Variants in SP100 observed in about 807,000 individuals in gnomAD.
SP100 encodes the protein nuclear autoantigen Sp-100.
SP100 carries 84 observed loss-of-function variants against 130.0 expected under a neutral mutation model. That is an observed-to-expected ratio of 0.65 (90% CI 0.54 to 0.77). SP100 has a LOEUF of 0.77. SP100 is among the 30% of genes least tolerant of loss of function. SP100 has a pLI of 0.00. For missense variants in SP100, 978 were observed against 1,052.2 expected (o/e 0.93, Z 0.97); for synonymous variants, 331 against 351.7 (o/e 0.94, Z 0.66).
At chr2:230,477,670 C>T (rs917637337) in intron 17 of SP100, among the ~76,000 whole-genome samples, 1 of 152,116 alleles carries the variant, frequency 6.6e-6, no homozygotes, top group Non-Finnish European at 1.5e-5. Context: ...GAAAGAAGAG[C>T]TCAGAGGTAG....
intron 17 of SP100, among the ~76,000 whole-genome samples, 162 bp downstream of exon 17, chr2:230,474,609 G>T (rs1308045345): frequency 6.6e-6 from 1 of 152,042 alleles, no homozygotes. Context: ...CTGAGGCTTG[G>T]TGTCCCAAAA....
intron 16 of SP100, among the ~76,000 whole-genome samples, chr2:230,474,064 TTA>T (rs2065413681): frequency 6.6e-6 from 1 of 152,188 alleles, no homozygotes; most frequent in South Asian, 2.1e-4. Flanking sequence ...TGTTATTGAT[TTA>T]TATAGTGATT....
At position 230,506,419 on chromosome 2, in the gene SP100, G is replaced by A. The variant is rs1432944073; in HGVS notation, c.1987G>A (p.Gly663Arg). ...KNWKLSIRCG[G>R]YTLKVLMENK... is the part of the protein sequence containing the mutation. Reference sequence around the variant, plus strand: ...CTGGAAGCTAAGTATACGCTGCGGTGGATATACCCTGAAAGTCCTGATGGA... The same window carrying A: ...CTGGAAGCTAAGTATACGCTGCGGTAGATATACCCTGAAAGTCCTGATGGA... The change falls in exon 22 of 29, where the codon GGA becomes AGA. Residue 663 changes from glycine to arginine, a missense_variant. Physicochemically the swap from Gly to Arg is moderately radical, Grantham distance 125. Coordinates refer to ENST00000340126, the MANE Select transcript of SP100 (RefSeq NM_001080391.2). 4 of 1,613,880 alleles carry A rather than the reference G, an allele frequency of 2.5e-6. No individual in the cohort carries two copies. The highest frequency in any genetic ancestry group is 3.4e-6 in the Non-Finnish European group (4 of 1,179,830).
In SP100 at chr2:230,504,206, G is replaced by A. The variant is rs2067196821; in HGVS notation, c.1786G>A (p.Glu596Lys). The A allele has an allele frequency of 2.5e-6, 4 of 1,610,400 alleles. No homozygotes were observed. Among genetic ancestry groups the A allele is most frequent in the Non-Finnish European group, 3.4e-6 (4 of 1,177,396 alleles). Residue 596 changes from glutamate (E) to lysine (K), a missense_variant, in exon 21 of 29, where the codon GAA (glutamate) becomes AAA (lysine). Glu to Lys is a moderately conservative substitution (Grantham distance 56, BLOSUM62 1). Coordinates refer to ENST00000340126, the MANE Select transcript of SP100 (RefSeq NM_001080391.2). The stretch of plus-strand genomic sequence containing the variant: ...TGCAGGTCCAAGAATTCCCAAAGAT[G>A]AAAATATTAATTTTAAACAATCTGA... Reference protein sequence around the residue: ...RKRGPRIPKDENINFKQSELP... With the variant: ...RKRGPRIPKDKNINFKQSELP...
chr2:230,416,219 C>T lies in SP100; in HGVS notation c.-78C>T. ...ACTTCCTGCTTGGGGCCTGGGCAGCCACACTGCACGCAGGCTGGGCCGACT... is the reference window on the plus strand; with the variant it reads ...ACTTCCTGCTTGGGGCCTGGGCAGCTACACTGCACGCAGGCTGGGCCGACT... On this transcript the variant is annotated 5_prime_UTR_variant, in exon 1 of 29. Transcript: ENST00000340126. The T allele has an allele frequency of 8.2e-7, 1 of 1,212,822 alleles. No individual in the cohort carries two copies. Among genetic ancestry groups the T allele is most frequent in the Non-Finnish European group, 1.2e-6 (1 of 829,102 alleles). The allele number at this position is 1,212,822 out of a possible 1,614,324, so 75.1% of individuals were successfully genotyped here.
chr2:230,439,154 T>G (rs1375088644), intron 2 of SP100, among the ~76,000 whole-genome samples: 1 of 152,200 alleles, frequency 6.6e-6, no homozygotes, highest in Non-Finnish European at 1.5e-5. Flanking sequence ...ATATCTTCTT[T>G]TGAGAATTGT....
rs530924577 is a variant in SP100, at chr2:230,440,307, A to G, written c.108-2630A>G. On this transcript the variant is annotated intron_variant, in intron 2 of 28. Coordinates refer to ENST00000340126, the MANE Select transcript of SP100 (RefSeq NM_001080391.2). Reference sequence around the variant, plus strand: ...CTAGAAATACTACATGAATTTAGCAATGCCATAAATTCATGGTTAATATGT... The same window carrying G: ...CTAGAAATACTACATGAATTTAGCAGTGCCATAAATTCATGGTTAATATGT... Among the ~76,000 whole-genome samples, 50 of 152,214 alleles carry G rather than the reference A, an allele frequency of 3.3e-4. 1 individual carries two copies. Among genetic ancestry groups the G allele is most frequent in the African/African-American group, 1.1e-3 (45 of 41,568 alleles).
intron 8 of SP100, among the ~76,000 whole-genome samples, chr2:230,458,701 A>G (rs997131986): frequency 2.6e-5 from 4 of 152,194 alleles, no homozygotes; most frequent in African/African-American, 9.7e-5. Flanking sequence ...AGGAATGGCA[A>G]GTGGAGGGCC....
chr2:230,427,155 G>GTCTC (rs33922247), intron 2 of SP100, among the ~76,000 whole-genome samples: 1 of 151,592 alleles, frequency 6.6e-6, no homozygotes, highest in Admixed American at 6.6e-5. Context: ...GCTAAAAGGA[G>GTCTC]TCTCTCTCTC....
At chr2:230,533,394 A>G (rs1691792946) in intron 24 of SP100, among the ~76,000 whole-genome samples, 1 of 152,240 alleles carries the variant, frequency 6.6e-6, no homozygotes, top group Admixed American at 6.5e-5. Flanking sequence ...GAAGTGCTAT[A>G]GGAAGTAATA....
At position 230,494,124 on chromosome 2, in the gene SP100, C is replaced by G. The variant is rs541151013; in HGVS notation, c.1601-292C>G. ...TGGTACTCTTCTGCTGCTGCTGTCA[C>G]CTTCTGCTTGATTTCAGCTACTTTA... On this transcript the variant is annotated intron_variant, in intron 17 of 28. Transcript: ENST00000340126. Among the ~76,000 whole-genome samples the G allele has an allele frequency of 3.0e-4, 45 of 151,988 alleles. 1 individual carries two copies. The South Asian group carries it at 3.9e-3, about 13-fold the overall frequency.
At chr2:230,530,486 A>G (rs892785172) in intron 24 of SP100, among the ~76,000 whole-genome samples, 38 of 152,210 alleles carry the variant, frequency 2.5e-4, no homozygotes, top group African/African-American at 8.7e-4. Context: ...CCTAGAAGAA[A>G]ACCTAGGCAA....
intron 19 of SP100, among the ~76,000 whole-genome samples, chr2:230,500,664 T>C (rs2066969058): frequency 6.7e-6 from 1 of 149,694 alleles, no homozygotes; most frequent in African/African-American, 2.5e-5. Context: ...GAAGGGAGAG[T>C]TGGGGGAAGG....
intron 23 of SP100, chr2:230,508,311 C>CT (rs10636838): frequency 0.022 from 3,318 of 147,538 alleles, 67 homozygotes; most frequent in African/African-American, 0.053. Context: ...AAATGCCATA[C>CT]TTTTTTTTTT....
intron 22 of SP100, chr2:230,506,776 G>A: frequency 5.0e-6 from 1 of 199,778 alleles, no homozygotes; most frequent in Non-Finnish European, 9.5e-6. Context: ...GGAGGTAAAT[G>A]TTAAATACAC....
chr2:230,532,631 C>T (rs1691752516), intron 24 of SP100, among the ~76,000 whole-genome samples: 1 of 152,096 alleles, frequency 6.6e-6, no homozygotes, highest in African/African-American at 2.4e-5. Context: ...AAAATATCCA[C>T]AAGTGTTTCA....
Position 230,449,564 on chromosome 2 carries a change from C to T in SP100, c.590C>T (p.Thr197Ile). 6.2e-7 allele frequency: 1 copy of T among 1,613,954 alleles called. No individual in the cohort carries two copies. The highest frequency in any genetic ancestry group is 1.1e-5 in the South Asian group (1 of 91,068). ...TGTGAATCAAACCATGGTTTAGGTACAACCCCACCTGAAAATGGACTCTCA... is the reference window on the plus strand; with the variant it reads ...TGTGAATCAAACCATGGTTTAGGTATAACCCCACCTGAAAATGGACTCTCA... Reference protein sequence around the residue: ...PPSGSPSHAGTTPPENGLSEH... With the variant: ...PPSGSPSHAGITPPENGLSEH... Residue 197 changes from threonine to isoleucine, a missense_variant, in exon 7 of 29, where the codon ACA becomes ATA. By Grantham distance (89) the Thr-to-Ile change is moderately conservative. Transcript: ENST00000340126.
In SP100 at chr2:230,470,049, T is replaced by C. The variant is rs1242797663; in HGVS notation, c.1380T>C (p.Asn460=). The change falls in exon 15 of 29, where the codon AAT becomes AAC. Residue 460 remains asparagine, a synonymous_variant. Transcript: ENST00000340126. The part of the protein sequence containing the change: ...FSSSDFSDLS[N]GEELQETCSS... ...GTAGTGACTTTTCAGACCTGAGTAA[T>C]GGAGAAGAGCTTCAGGAAACCTGCA... is the stretch of plus-strand genomic sequence containing the variant. 2.5e-6 allele frequency: 4 copies of C among 1,612,708 alleles called. No homozygotes were observed. Among genetic ancestry groups the C allele is most frequent in the Non-Finnish European group, 3.4e-6 (4 of 1,179,294 alleles).
intron 17 of SP100, among the ~76,000 whole-genome samples, chr2:230,485,092 A>ATATTT (rs142188341): frequency 0.013 from 1,986 of 151,008 alleles, 25 homozygotes; most frequent in Non-Finnish European, 0.019. Context: ...CCAGGTCCCA[A>ATATTT]TATTTTATTT....
Sources: allele counts gnomAD v4.1 joint callset (sites outside exome capture counted in the v4.1 genomes callset), GRCh38; gene constraint gnomAD v4.1.1; transcripts MANE v1.5; gene names NCBI Gene and HGNC (gene_info 2026-07-23, HGNC 2026-07-21).